The following STIP1 variants were observed in gnomAD, a reference collection of about 807,000 sequenced individuals.
STIP1 encodes the protein stress induced phosphoprotein 1, also known as stress-induced-phosphoprotein 1.
A neutral mutation model predicts 77.4 loss-of-function variants in STIP1; 16 were observed. The ratio of observed to expected loss-of-function variants is 0.21; its 90% CI spans 0.14 to 0.31. STIP1 has a LOEUF of 0.31. STIP1 is among the 10% of genes least tolerant of loss of function. STIP1 has a pLI of 1.00. For missense variants in STIP1, 524 were observed against 684.8 expected (o/e 0.77, Z 2.62); for synonymous variants, 258 against 246.6 (o/e 1.05, Z -0.44).
chr11:64,193,661 C>G (rs1384630321), intron 2 of STIP1, among the ~76,000 whole-genome samples: 2 of 152,096 alleles, frequency 1.3e-5, no homozygotes, highest in African/African-American at 4.8e-5. Context: ...GTGGCATGTG[C>G]TTGTAGTCCC....
rs569763868 is a variant in STIP1 at position 64,197,003 on chromosome 11, C to T, written c.673-268C>T. The T allele has an allele frequency of 8.8e-5, 37 of 418,410 alleles. No individual in the cohort carries two copies. In the South Asian group the frequency reaches 1.0e-3, roughly 12 times the overall value. 25.9% of individuals were successfully genotyped at this position (418,410 alleles called of 1,614,324 possible). On this transcript the variant is annotated intron_variant, in intron 5 of 13. Transcript: ENST00000305218. The stretch of plus-strand genomic sequence containing the variant: ...TTGCTTCAAGTCGAAGGGATTTCCT[C>T]TCCCCTAAAGAAGCGCTCTGCTTCC...
intron 8 of STIP1, among the ~76,000 whole-genome samples, chr11:64,199,274 G>T (rs892332703): frequency 9.2e-5 from 14 of 151,580 alleles, no homozygotes; most frequent in African/African-American, 3.4e-4. Flanking sequence ...GGAGGCCGAG[G>T]TGGGCGGATC....
At position 64,200,333 on chromosome 11, in the gene STIP1, C is replaced by T. The variant is rs148602059; in HGVS notation, c.1245+40C>T. 3.1e-4 allele frequency: 482 copies of T among 1,574,564 alleles called. 2 individuals carry two copies. The African/African-American group carries it at 6.1e-3, about 20-fold the overall frequency. ...GGGGGCGGCCATTACTGAAAGCCTG[C>T]ACATGAGGAGTGGGTTTTCTCTCTC... On this transcript the variant is annotated intron_variant, in intron 10 of 13. Coordinates refer to ENST00000305218, the MANE Select transcript of STIP1 (RefSeq NM_006819.3).
chr11:64,198,748 T>G (rs865898198), intron 8 of STIP1, among the ~76,000 whole-genome samples: 10 of 139,900 alleles, frequency 7.1e-5, no homozygotes, highest in Non-Finnish European at 1.2e-4. Flanking sequence ...GTGTTTTTTT[T>G]TGTGGTTTTT....
intron 4 of STIP1, 96 bp from the exon 5 acceptor site, chr11:64,195,549 C>A: frequency 7.8e-7 from 1 of 1,286,868 alleles, no homozygotes; most frequent in Non-Finnish European, 1.1e-6. Flanking sequence ...AGCTTCTAAA[C>A]ACAAGAATCT....
intron 1 of STIP1, among the ~76,000 whole-genome samples, chr11:64,188,365 G>T (rs1338307000): frequency 2.7e-5 from 4 of 147,316 alleles, no homozygotes; most frequent in Admixed American, 2.7e-4. Flanking sequence ...AAAAAGAAAA[G>T]AAACGATTTC....
At chr11:64,192,950 TTC>T in intron 1 of STIP1, 126 bp from the exon 2 acceptor site, 1 of 887,944 alleles carries the variant, frequency 1.1e-6, no homozygotes, top group Non-Finnish European at 1.7e-6. Flanking sequence ...TGAACCGGTT[TTC>T]TCTCTTCTGA....
intron 4 of STIP1, 55 bp from the exon 5 acceptor site, chr11:64,195,590 T>C: frequency 6.7e-7 from 1 of 1,485,268 alleles, no homozygotes; most frequent in Non-Finnish European, 9.0e-7. Flanking sequence ...GTTAAAAGAC[T>C]AATTGTGGGG....
chr11:64,195,848 T>A (rs751874474), intron 5 of STIP1, 35 bp downstream of exon 5: 1 of 1,612,802 alleles, frequency 6.2e-7, no homozygotes, highest in Non-Finnish European at 8.5e-7. Flanking sequence ...GTCACCTATC[T>A]ATAAACAACT....
intron 7 of STIP1, 106 bp downstream of exon 7, chr11:64,197,701 T>C: frequency 6.4e-7 from 1 of 1,558,472 alleles, no homozygotes; most frequent in Non-Finnish European, 8.8e-7. Flanking sequence ...GAATCTGCTG[T>C]GTTAAGAAAG....
intron 1 of STIP1, among the ~76,000 whole-genome samples, chr11:64,191,187 CA>C (rs756671182): frequency 0.21 from 15,413 of 73,384 alleles, 739 homozygotes; most frequent in Non-Finnish European, 0.25. Flanking sequence ...AACTCTGTCT[CA>C]AAAAAAAAAA....
chr11:64,198,293 A>G (rs1173427659), intron 8 of STIP1, among the ~76,000 whole-genome samples: 3 of 151,430 alleles, frequency 2.0e-5, no homozygotes, highest in East Asian at 1.9e-4. Context: ...GCTCACTGCA[A>G]CCTCCGCCTC....
intron 1 of STIP1, among the ~76,000 whole-genome samples, chr11:64,190,453 C>A (rs965075924): frequency 6.6e-6 from 1 of 151,946 alleles, no homozygotes; most frequent in South Asian, 2.1e-4. Context: ...GGATTACAGG[C>A]GTGAGCCACT....
intron 4 of STIP1, 96 bp downstream of exon 4, chr11:64,194,716 A>G: frequency 6.8e-7 from 1 of 1,478,466 alleles, no homozygotes. Flanking sequence ...TCTAAACTGC[A>G]GAGTTTTTGC....
chr11:64,196,878 T>C, intron 5 of STIP1: 1 of 191,452 alleles, frequency 5.2e-6, no homozygotes, highest in Non-Finnish European at 1.1e-5. Flanking sequence ...TCTGCTATGG[T>C]TCCCTGACAA....
Position 64,194,271 on chromosome 11 carries a change from A to G in STIP1, c.302A>G (p.His101Arg), listed in dbSNP as rs1364981549. 3 of 1,614,256 alleles carry G rather than the reference A, an allele frequency of 1.9e-6. No homozygotes were observed. The highest frequency in any genetic ancestry group is 2.5e-6 in the Non-Finnish European group (3 of 1,180,052). Residue 101 changes from histidine (H) to arginine (R), a missense_variant, in exon 3 of 14, where the codon CAC (histidine) becomes CGC (arginine). By Grantham distance (29) the His-to-Arg change is conservative. Transcript: ENST00000305218. ...AKRTYEEGLK[H>R]EANNPQLKEG... ...CGAACCTATGAGGAGGGCTTAAAAC[A>G]CGAGGCAAATAACCCTCAACTGAAA...
chr11:64,201,026 C>T (rs533443386), intron 10 of STIP1, among the ~76,000 whole-genome samples: 3 of 140,396 alleles, frequency 2.1e-5, no homozygotes, highest in East Asian at 3.9e-4. Flanking sequence ...CACGCTTGGC[C>T]CCCTTTTTTT....
At chr11:64,186,532 C>T in intron 1 of STIP1, 1 of 283,366 alleles carries the variant, frequency 3.5e-6, no homozygotes, top group Non-Finnish European at 6.3e-6. Context: ...GTGAGTCCGG[C>T]CGGCGGCGGG....
At chr11:64,186,851 G>T (rs1415348802) in intron 1 of STIP1, among the ~76,000 whole-genome samples, 1 of 152,228 alleles carries the variant, frequency 6.6e-6, no homozygotes, top group East Asian at 1.9e-4. Flanking sequence ...GGGTGGGAGA[G>T]CGTTGAGCGG....
Sources: allele counts gnomAD v4.1 joint callset (sites outside exome capture counted in the v4.1 genomes callset), GRCh38; gene constraint gnomAD v4.1.1; transcripts MANE v1.5; gene names NCBI Gene and HGNC (gene_info 2026-07-23, HGNC 2026-07-21).